The following FER1L6 variants were observed in gnomAD, a reference collection of about 807,000 sequenced individuals.
The protein encoded by FER1L6 is fer-1 like family member 6.
In FER1L6, 177 loss-of-function variants were observed where a neutral mutation model predicts 219.2. The ratio of observed to expected loss-of-function variants is 0.81; its 90% CI spans 0.71 to 0.91. The LOEUF (loss-of-function observed/expected upper bound fraction) is 0.91, where lower values mean the gene tolerates loss of function less well. Ranked by LOEUF, FER1L6 falls within the 40% of genes least tolerant of loss-of-function variation. The probability of loss-of-function intolerance (pLI) is 0.00; values close to 1 mark genes in which losing one functional copy is unlikely to be tolerated. For missense variants in FER1L6, 2,153 were observed against 2,259.9 expected (o/e 0.95, Z 0.96); for synonymous variants, 768 against 824.3 (o/e 0.93, Z 1.17).
intron 2 of FER1L6, among the ~76,000 whole-genome samples, chr8:123,958,082 T>C (rs1245670377): frequency 1.3e-5 from 2 of 152,242 alleles, no homozygotes; most frequent in African/African-American, 2.4e-5. Flanking sequence ...AACCTAGCGA[T>C]TAGTTACACA....
chr8:124,050,735 C>T lies in FER1L6; in HGVS notation c.2874+979C>T, dbSNP rs577837886. 1.1e-3 allele frequency among the ~76,000 whole-genome samples: 169 copies of T among 152,018 alleles called. 1 individual carries two copies. Among genetic ancestry groups the T allele is most frequent in the African/African-American group, 3.9e-3 (160 of 41,464 alleles). On this transcript the variant is annotated intron_variant, in intron 22 of 40. Coordinates refer to ENST00000522917, the MANE Select transcript of FER1L6 (RefSeq NM_001039112.2). ...CCTGGCATGACTGGTGTCTTCATGCCACCAAGAGAGAGAGAAGTTATCTCT... is the reference window on the plus strand; with the variant it reads ...CCTGGCATGACTGGTGTCTTCATGCTACCAAGAGAGAGAGAAGTTATCTCT...
At chr8:124,098,394 A>G (rs185356879) in intron 37 of FER1L6, among the ~76,000 whole-genome samples, 140 of 152,230 alleles carry the variant, frequency 9.2e-4, no homozygotes, top group African/African-American at 3.1e-3. Context: ...GAGGTGGTAT[A>G]GCATCAGAAA....
chr8:124,021,864 T>TC (rs397950317), intron 17 of FER1L6, among the ~76,000 whole-genome samples, 195 bp downstream of exon 17: 1 of 151,938 alleles, frequency 6.6e-6, no homozygotes, highest in African/African-American at 2.4e-5. Context: ...CATTTTTTTT[T>TC]CACAAAGCCT....
At chr8:124,074,955 A>G (rs1359160601) in intron 31 of FER1L6, among the ~76,000 whole-genome samples, 1 of 152,120 alleles carries the variant, frequency 6.6e-6, no homozygotes, top group African/African-American at 2.4e-5. Context: ...AAAATGGTAC[A>G]CCTGTCTAGG....
chr8:123,929,559 A>G (rs1287756048), intron 1 of FER1L6, among the ~76,000 whole-genome samples: 1 of 152,194 alleles, frequency 6.6e-6, no homozygotes, highest in Admixed American at 6.5e-5. Context: ...TAACTTGGTC[A>G]ATACAGAGGC....
At chr8:124,087,423 A>T (rs925210434) in intron 33 of FER1L6, among the ~76,000 whole-genome samples, 9 of 151,946 alleles carry the variant, frequency 5.9e-5, no homozygotes, top group Non-Finnish European at 1.0e-4. Flanking sequence ...GATTCCTTTT[A>T]ATCATTTTAC....
intron 1 of FER1L6, among the ~76,000 whole-genome samples, chr8:123,871,847 C>T (rs148232562): frequency 3.3e-5 from 5 of 152,112 alleles, no homozygotes; most frequent in African/African-American, 7.2e-5. Context: ...AGATAAGTCA[C>T]GTTGATAGTA....
intron 32 of FER1L6, among the ~76,000 whole-genome samples, chr8:124,079,613 C>T (rs1821448822): frequency 6.6e-6 from 1 of 152,190 alleles, no homozygotes; most frequent in African/African-American, 2.4e-5. Context: ...TGGTGGCACA[C>T]TATGTGCCAG....
chr8:123,989,019 A>G (rs912087860), intron 12 of FER1L6, among the ~76,000 whole-genome samples: 1 of 152,058 alleles, frequency 6.6e-6, no homozygotes, highest in Non-Finnish European at 1.5e-5. Context: ...TAGTGTTTTG[A>G]GAGTTTTTTT....
intron 33 of FER1L6, among the ~76,000 whole-genome samples, chr8:124,088,002 C>T (rs913103617): frequency 6.6e-6 from 1 of 152,196 alleles, no homozygotes; most frequent in Non-Finnish European, 1.5e-5. Flanking sequence ...CATGTGGCCA[C>T]AAACACAGCA....
chr8:124,068,936 C>CT (rs528179923), intron 28 of FER1L6, among the ~76,000 whole-genome samples: 8,622 of 139,448 alleles, frequency 0.062, 435 homozygotes, highest in African/African-American at 0.14. Flanking sequence ...GTTACTATTT[C>CT]TTTTTTTTTT....
chr8:123,889,295 T>C (rs948335015), intron 1 of FER1L6, among the ~76,000 whole-genome samples: 2 of 152,216 alleles, frequency 1.3e-5, no homozygotes, highest in African/African-American at 4.8e-5. Context: ...AAGGAAATGA[T>C]GTGTAAATAG....
At chr8:124,062,575 T>C (rs1270929930) in intron 25 of FER1L6, among the ~76,000 whole-genome samples, 3 of 152,186 alleles carry the variant, frequency 2.0e-5, no homozygotes, top group Admixed American at 1.3e-4. Flanking sequence ...TTCACTCAAT[T>C]CTCTGTTTTA....
At chr8:124,089,258 G>A (rs958352445) in intron 33 of FER1L6, among the ~76,000 whole-genome samples, 1 of 152,134 alleles carries the variant, frequency 6.6e-6, no homozygotes, top group African/African-American at 2.4e-5. Flanking sequence ...TCTGAGTTGT[G>A]TCTGGTGTTT....
intron 1 of FER1L6, among the ~76,000 whole-genome samples, chr8:123,952,163 A>ACTAACCTTATGG (rs1814799566): frequency 6.6e-6 from 1 of 151,450 alleles, no homozygotes; most frequent in African/African-American, 2.4e-5. Context: ...AAAAAGCAGA[A>ACTAACCTTATGG]CTAACCTTAT....
At chr8:123,916,539 G>C (rs887125123) in intron 1 of FER1L6, among the ~76,000 whole-genome samples, 1 of 152,196 alleles carries the variant, frequency 6.6e-6, no homozygotes, top group South Asian at 2.1e-4. Context: ...TAGTCATGCA[G>C]ATTGAGTTCA....
At chr8:123,957,176 C>T (rs967059769) in intron 2 of FER1L6, among the ~76,000 whole-genome samples, 2 of 152,202 alleles carry the variant, frequency 1.3e-5, no homozygotes, top group Admixed American at 1.3e-4. Context: ...ATATGTTGTA[C>T]CTAACTTCAC....
At chr8:124,022,873 C>T (rs143527891) in intron 17 of FER1L6, among the ~76,000 whole-genome samples, 2 of 151,748 alleles carry the variant, frequency 1.3e-5, no homozygotes. Flanking sequence ...TGCATGTTCT[C>T]ATATGAGCAA....
intron 2 of FER1L6, among the ~76,000 whole-genome samples, chr8:123,960,575 T>C (rs1563709110): frequency 6.6e-6 from 1 of 152,178 alleles, no homozygotes; most frequent in African/African-American, 2.4e-5. Flanking sequence ...AGATGTATTC[T>C]CTCTCAGTTA....
Sources: gnomAD v4.1 joint callset for allele counts (sites outside exome capture counted in the v4.1 genomes callset) on GRCh38, gnomAD v4.1.1 for gene constraint, MANE v1.5 for transcripts, NCBI Gene and HGNC (gene_info 2026-07-23, HGNC 2026-07-21) for gene names.